AACS: variants seen among roughly 807,000 people sequenced by gnomAD.
AACS encodes acetoacetyl-CoA synthetase.
In AACS, 69 loss-of-function variants were observed where a neutral mutation model predicts 83.1. The observed-to-expected ratio is 0.83, with a 90% confidence interval of 0.68 to 1.01. The LOEUF (loss-of-function observed/expected upper bound fraction) is 1.01. Ranked by LOEUF, AACS falls within the 50% of genes least tolerant of loss-of-function variation. The pLI, the probability that AACS is intolerant of heterozygous loss-of-function variation, is 0.00. For missense variants in AACS, 866 were observed against 882.2 expected, an observed-to-expected ratio of 0.98 and a Z score of 0.23; for synonymous variants, 333 against 343.4, an observed-to-expected ratio of 0.97 and a Z score of 0.33.
intron 3 of AACS, among the ~76,000 whole-genome samples, chr12:125,082,780 C>T (rs1956226059): frequency 6.6e-6 from 1 of 152,066 alleles, no homozygotes; most frequent in East Asian, 1.9e-4. Context: ...GAAATGGTGC[C>T]ATTGCACTCC....
chr12:125,116,187 G>A (rs986786384), intron 9 of AACS, among the ~76,000 whole-genome samples: 4 of 151,976 alleles, frequency 2.6e-5, no homozygotes, highest in African/African-American at 4.8e-5. Flanking sequence ...CGGGAAGCCC[G>A]GGCAGCAGCA....
At chr12:125,134,773 T>C in intron 15 of AACS, 21 bp from the exon 16 acceptor site, 1 of 1,614,134 alleles carries the variant, frequency 6.2e-7, no homozygotes, top group Non-Finnish European at 8.5e-7. Context: ...GGTGTGGCCC[T>C]GACCTCTTCT....
rs1226394362 is a variant in AACS at position 125,142,332 on chromosome 12, C to T, written c.*103C>T. ...CCTACAGCTGTTGTAAAAGGATGCT[C>T]GCACCAAGTGTTCTGTAGGCTTGGG... is the stretch of plus-strand genomic sequence containing the variant. On this transcript the variant is annotated 3_prime_UTR_variant, in exon 18 of 18. Transcript: ENST00000316519. 30 of 1,486,150 alleles carry T rather than the reference C, an allele frequency of 2.0e-5. No homozygotes were observed. The East Asian group carries it at 3.5e-4, about 18-fold the overall frequency. 92.1% of individuals were successfully genotyped at this position (1,486,150 alleles called of 1,614,324 possible). A position where few individuals can be genotyped will look rare whatever the true frequency, so the allele number is the denominator to read the frequency against.
chr12:125,128,101 ATT>A, intron 12 of AACS, 58 bp from the exon 13 acceptor site: 1 of 1,336,992 alleles, frequency 7.5e-7, no homozygotes, highest in East Asian at 2.4e-5. Context: ...TTGCTCACTA[ATT>A]TAACACAATT....
At chr12:125,067,574 C>G (rs1043320186) in intron 1 of AACS, among the ~76,000 whole-genome samples, 5 of 152,068 alleles carry the variant, frequency 3.3e-5, no homozygotes, top group Non-Finnish European at 5.9e-5. Flanking sequence ...GCTTTTCTCC[C>G]CCAGGCTGGA....
chr12:125,105,404 G>C (rs567035182), intron 7 of AACS: 2 of 152,246 alleles, frequency 1.3e-5, no homozygotes, highest in East Asian at 3.9e-4. Flanking sequence ...GTGGGACCCT[G>C]CCGACCTTAA....
In AACS at chr12:125,091,450, C is replaced by T. The variant is rs1421421287; in HGVS notation, c.497C>T (p.Ala166Val). ...GGTTATTTACCCAACAGTGAGCACGCTGTCGAGGCGATGCTGGCTGCGGCA... is the reference window on the plus strand; with the variant it reads ...GGTTATTTACCCAACAGTGAGCACGTTGTCGAGGCGATGCTGGCTGCGGCA... ...VVGYLPNSEH[A>V]VEAMLAAASI... is the part of the protein sequence containing the mutation. Residue 166 changes from alanine (A) to valine (V), a missense_variant, in exon 5 of 18, where the codon GCT (alanine) becomes GTT (valine). Ala to Val is a moderately conservative substitution (Grantham distance 64, BLOSUM62 0). Coordinates refer to ENST00000316519, the MANE Select transcript of AACS (RefSeq NM_023928.5). 3 of 1,614,254 alleles carry T rather than the reference C, an allele frequency of 1.9e-6. No individual in the cohort carries two copies. Among genetic ancestry groups the T allele is most frequent in the South Asian group, 1.1e-5 (1 of 91,086 alleles).
chr12:125,098,359 A>G (rs1200768039), intron 5 of AACS, among the ~76,000 whole-genome samples: 1 of 150,654 alleles, frequency 6.6e-6, no homozygotes, highest in South Asian at 2.1e-4. Context: ...TGTCTACTGT[A>G]CTCTAGCCTG....
intron 3 of AACS, among the ~76,000 whole-genome samples, chr12:125,080,639 CTCT>C (rs952450468): frequency 0.063 from 51 of 812 alleles, no homozygotes; most frequent in East Asian, 0.33. Flanking sequence ...ACCATCTCTT[CTCT>C]TAAGTATTTG....
chr12:125,101,299 C>T (rs1956702465), intron 5 of AACS: 1 of 152,242 alleles, frequency 6.6e-6, no homozygotes, highest in African/African-American at 2.4e-5. Flanking sequence ...AAGCCCATGC[C>T]TGCATGGAAG....
At chr12:125,096,320 G>T (rs1006853294) in intron 5 of AACS, among the ~76,000 whole-genome samples, 2 of 152,202 alleles carry the variant, frequency 1.3e-5, no homozygotes, top group African/African-American at 4.8e-5. Flanking sequence ...CTGGCACATA[G>T]TAAGCATTCA....
chr12:125,068,900 C>T (rs7953738), intron 1 of AACS, among the ~76,000 whole-genome samples: 69,808 of 150,016 alleles, frequency 0.47, 16,201 homozygotes, highest in Non-Finnish European at 0.49. Flanking sequence ...AGTGTGGTGG[C>T]GCGATCTCGG....
At chr12:125,136,269 C>G (rs189646726) in intron 16 of AACS, 28 of 209,826 alleles carry the variant, frequency 1.3e-4, no homozygotes, top group Non-Finnish European at 2.0e-4. Context: ...AGGCTGGTCT[C>G]AATCTCCTGG....
In AACS at chr12:125,136,713, A is replaced by G; in HGVS notation, c.1730A>G (p.Lys577Arg). ...EDSLCVPQYNKYREERVILFL... is the reference protein window; with the variant it reads ...EDSLCVPQYNRYREERVILFL... Reference sequence around the variant, plus strand: ...AGCCTGTGTGTCCCCCAGTATAACAAGTACAGGGAGGAGAGGGTGATCCTC... The same window carrying G: ...AGCCTGTGTGTCCCCCAGTATAACAGGTACAGGGAGGAGAGGGTGATCCTC... The change falls in exon 17 of 18, where the codon AAG (lysine) becomes AGG (arginine). Residue 577 changes from lysine (K) to arginine (R), a missense_variant. Transcript: ENST00000316519. 6.2e-7 allele frequency: 1 copy of G among 1,614,102 alleles called. No individual in the cohort carries two copies. The highest frequency in any genetic ancestry group is 1.1e-5 in the South Asian group (1 of 91,080).
chr12:125,095,001 GTGTGTGTGTGTGTGT>G (rs1956574082), intron 5 of AACS, among the ~76,000 whole-genome samples: 2 of 151,328 alleles, frequency 1.3e-5, no homozygotes, highest in Non-Finnish European at 3.0e-5. Context: ...GTGTGTGTGT[GTGTGTGTGTGTGTGT>G]GTGTGTGTCT....
At chr12:125,137,947 G>A (rs995058515) in intron 17 of AACS, among the ~76,000 whole-genome samples, 9 of 152,218 alleles carry the variant, frequency 5.9e-5, no homozygotes, top group African/African-American at 2.2e-4. Flanking sequence ...AGGAGAGTCT[G>A]CTTCCTGGAG....
chr12:125,070,038 T>C (rs1248519795), intron 1 of AACS, among the ~76,000 whole-genome samples: 1 of 152,172 alleles, frequency 6.6e-6, no homozygotes, highest in Non-Finnish European at 1.5e-5. Context: ...GAGGAACATC[T>C]GAACCCCCGG....
At chr12:125,125,367 AG>A (rs551715896) in intron 12 of AACS, among the ~76,000 whole-genome samples, 105 of 152,332 alleles carry the variant, frequency 6.9e-4, no homozygotes, top group Non-Finnish European at 1.3e-3. Flanking sequence ...GACTTGCCCA[AG>A]GCTGCCCCAC....
At chr12:125,082,824 C>T (rs1217943909) in intron 3 of AACS, among the ~76,000 whole-genome samples, 2 of 151,826 alleles carry the variant, frequency 1.3e-5, no homozygotes, top group East Asian at 1.9e-4. Flanking sequence ...CTGTCTCAAA[C>T]ACACACAGAC....
Sources: allele counts gnomAD v4.1 joint callset (sites outside exome capture counted in the v4.1 genomes callset), GRCh38; gene constraint gnomAD v4.1.1; transcripts MANE v1.5; gene names NCBI Gene and HGNC (gene_info 2026-07-23, HGNC 2026-07-21).